CDH1: variants seen among roughly 807,000 people sequenced by gnomAD.
The protein encoded by CDH1 is cadherin-1.
CDH1 carries 35 observed loss-of-function variants against 84.5 expected under a neutral mutation model. That is an observed-to-expected ratio of 0.41 (90% CI 0.32 to 0.55). The LOEUF (loss-of-function observed/expected upper bound fraction) is 0.55. Among genes scored for constraint, CDH1 ranks in the 20% least tolerant of loss-of-function variants. The pLI is 0.19. For missense variants in CDH1, 994 were observed against 1,126.6 expected, an observed-to-expected ratio of 0.88 and a Z score of 1.68; for synonymous variants, 417 against 439.0, an observed-to-expected ratio of 0.95 and a Z score of 0.63.
intron 15 of CDH1, among the ~76,000 whole-genome samples, 177 bp from the exon 16 acceptor site, chr16:68,833,113 G>A (rs541377870): frequency 6.6e-6 from 1 of 152,304 alleles, no homozygotes; most frequent in East Asian, 1.9e-4. Context: ...CATATCCTGT[G>A]CTTCTGCATC....
intron 15 of CDH1, among the ~76,000 whole-genome samples, chr16:68,832,872 C>T (rs112206952): frequency 6.6e-6 from 1 of 152,058 alleles, no homozygotes; most frequent in East Asian, 1.9e-4. Flanking sequence ...GTTCCCACAC[C>T]CCCACTCCCC....
chr16:68,806,829 C>T (rs1005732715), intron 3 of CDH1, among the ~76,000 whole-genome samples: 1 of 152,158 alleles, frequency 6.6e-6, no homozygotes, highest in African/African-American at 2.4e-5. Context: ...GAGACAAACA[C>T]AGGATGTAGA....
chr16:68,766,815 C>A (rs894097358), intron 2 of CDH1, among the ~76,000 whole-genome samples: 2 of 151,422 alleles, frequency 1.3e-5, no homozygotes, highest in African/African-American at 4.9e-5. Flanking sequence ...ACAACTTCTG[C>A]CTCCTGGGTT....
intron 2 of CDH1, among the ~76,000 whole-genome samples, chr16:68,770,112 A>G (rs576135730): frequency 2.5e-4 from 37 of 150,524 alleles, no homozygotes; most frequent in Non-Finnish European, 4.3e-4. Context: ...GGCTACTATT[A>G]TGTTGCTTTC....
At chr16:68,819,193 C>T (rs942990231) in intron 10 of CDH1, 87 bp from the exon 11 acceptor site, 2 of 1,455,842 alleles carry the variant, frequency 1.4e-6, no homozygotes, top group East Asian at 4.5e-5. Context: ...TGGAAGTAAC[C>T]ATATAACTGA....
At chr16:68,797,772 G>A (rs1357917893) in intron 2 of CDH1, among the ~76,000 whole-genome samples, 1 of 152,096 alleles carries the variant, frequency 6.6e-6, no homozygotes, top group Non-Finnish European at 1.5e-5. Flanking sequence ...TGATGGTGAT[G>A]ATATTGTAAT....
At chr16:68,750,981 A>G (rs1962871532) in intron 2 of CDH1, among the ~76,000 whole-genome samples, 1 of 152,106 alleles carries the variant, frequency 6.6e-6, no homozygotes, top group East Asian at 1.9e-4. Flanking sequence ...CTGGATTTAC[A>G]GGCATGACGC....
At chr16:68,782,721 T>C (rs1286636996) in intron 2 of CDH1, among the ~76,000 whole-genome samples, 1 of 152,186 alleles carries the variant, frequency 6.6e-6, no homozygotes, top group Non-Finnish European at 1.5e-5. Flanking sequence ...CTGGTGCCAT[T>C]GTGACCGATC....
intron 2 of CDH1, among the ~76,000 whole-genome samples, chr16:68,781,376 G>A (rs998930195): frequency 6.6e-6 from 1 of 152,136 alleles, no homozygotes; most frequent in Non-Finnish European, 1.5e-5. Context: ...GTCTCACTCT[G>A]TCATCCAGGC....
In CDH1 at chr16:68,815,496, C is replaced by G. The variant is rs202163839; in HGVS notation, c.1321-19C>G. On this transcript the variant is annotated intron_variant, in intron 9 of 15. Coordinates refer to ENST00000261769, the MANE Select transcript of CDH1 (RefSeq NM_004360.5). ...AAATGTTTCGTTTTGTTTTTAACTT[C>G]ATTGTTTCTGCTCTCTAGGGCTTGG... is the stretch of plus-strand genomic sequence containing the variant. The G allele has an allele frequency of 6.2e-7, 1 of 1,614,024 alleles. No homozygotes were observed. The highest frequency in any genetic ancestry group is 8.5e-7 in the Non-Finnish European group (1 of 1,180,012).
chr16:68,771,701 G>A (rs539405936), intron 2 of CDH1, among the ~76,000 whole-genome samples: 10 of 150,060 alleles, frequency 6.7e-5, no homozygotes, highest in Admixed American at 2.0e-4. Context: ...GCAGTGAGCC[G>A]AGATCGCACC....
intron 13 of CDH1, among the ~76,000 whole-genome samples, chr16:68,825,629 TC>T (rs1490502415): frequency 6.6e-6 from 1 of 152,086 alleles, no homozygotes; most frequent in Non-Finnish European, 1.5e-5. Flanking sequence ...TGGACTTTCA[TC>T]CTGCCAGGCT....
intron 2 of CDH1, among the ~76,000 whole-genome samples, chr16:68,776,093 G>A (rs1208710271): frequency 1.3e-5 from 2 of 151,982 alleles, no homozygotes; most frequent in African/African-American, 4.8e-5. Context: ...GGCTACTCTT[G>A]TGCCTCAGCC....
intron 2 of CDH1, among the ~76,000 whole-genome samples, chr16:68,771,320 A>G (rs751717087): frequency 2.6e-5 from 4 of 152,086 alleles, no homozygotes; most frequent in Non-Finnish European, 5.9e-5. Context: ...ACAGGGTCTC[A>G]CTTTGTCACC....
intron 2 of CDH1, among the ~76,000 whole-genome samples, chr16:68,748,177 A>C (rs140606279): frequency 0.017 from 2,408 of 141,320 alleles, 30 homozygotes; most frequent in Non-Finnish European, 0.022. Flanking sequence ...CAATGGCATG[A>C]TCTCGGCTCA....
chr16:68,738,304 C>A lies in CDH1; in HGVS notation c.56C>A (p.Ser19Tyr), dbSNP rs1221633501. The change falls in exon 2 of 16, where the codon TCT becomes TAT. Residue 19 changes from serine to tyrosine, a missense_variant. Physicochemically the swap from Ser to Tyr is moderately radical, Grantham distance 144 (BLOSUM62 -2). Transcript: ENST00000261769. Reference sequence around the variant, plus strand: ...ACCTTTCCCCCACCCCAGGTCTCCTCTTGGCTCTGCCAGGAGCCGGAGCCC... The same window carrying A: ...ACCTTTCCCCCACCCCAGGTCTCCTATTGGCTCTGCCAGGAGCCGGAGCCC... ...SALLLLLQVS[S>Y]WLCQEPEPCH... 6.5e-7 allele frequency: 1 copy of A among 1,550,174 alleles called. No homozygotes were observed. Among genetic ancestry groups the A allele is most frequent in the Admixed American group, 2.0e-5 (1 of 50,988 alleles).
chr16:68,831,601 G>T lies in CDH1; in HGVS notation c.2440-1689G>T, dbSNP rs9936355. On this transcript the variant is annotated intron_variant, in intron 15 of 15. Transcript: ENST00000261769. ...GTCGCCCAGGCTGGAGTGCAGTGGCGTAATCTTGGCTCACTGCAACCTCTG... is the reference window on the plus strand; with the variant it reads ...GTCGCCCAGGCTGGAGTGCAGTGGCTTAATCTTGGCTCACTGCAACCTCTG... 4.6e-5 allele frequency among the ~76,000 whole-genome samples: 7 copies of T among 151,526 alleles called. 1 individual carries two copies. Among genetic ancestry groups the T allele is most frequent in the Non-Finnish European group, 1.5e-5 (1 of 67,946 alleles).
intron 2 of CDH1, among the ~76,000 whole-genome samples, chr16:68,752,883 A>G (rs1028545812): frequency 1.3e-5 from 2 of 152,154 alleles, no homozygotes; most frequent in African/African-American, 4.8e-5. Flanking sequence ...TGTGTGGGTA[A>G]CACCTTCCTT....
In CDH1 at chr16:68,808,541, G is replaced by A. The variant is rs1597890692; in HGVS notation, c.505G>A (p.Gly169Ser). 6.2e-7 allele frequency: 1 copy of A among 1,614,146 alleles called. No individual in the cohort carries two copies. The highest frequency in any genetic ancestry group is 8.5e-7 in the Non-Finnish European group (1 of 1,180,034). ...CATCAGCTGCCCAGAAAATGAAAAA[G>A]GCCCATTTCCTAAAAACCTGGTTCA... Reference protein sequence around the residue: ...PPISCPENEKGPFPKNLVQIK... With the variant: ...PPISCPENEKSPFPKNLVQIK... Residue 169 changes from glycine (G) to serine (S), a missense_variant, in exon 4 of 16, where the codon GGC becomes AGC. Gly to Ser is a moderately conservative substitution (Grantham distance 56). Coordinates refer to ENST00000261769, the MANE Select transcript of CDH1 (RefSeq NM_004360.5).
Sources: allele counts gnomAD v4.1 joint callset (sites outside exome capture counted in the v4.1 genomes callset), GRCh38; gene constraint gnomAD v4.1.1; transcripts MANE v1.5; gene names NCBI Gene and HGNC (gene_info 2026-07-23, HGNC 2026-07-21).